CTNND2: variants seen among roughly 807,000 people sequenced by gnomAD.
CTNND2 encodes the protein catenin delta 2.
CTNND2 carries 22 observed loss-of-function variants against 144.4 expected under a neutral mutation model. The observed-to-expected ratio is 0.15, with a 90% CI of 0.11 to 0.22. CTNND2 has a LOEUF of 0.22. Among genes scored for constraint, CTNND2 ranks in the 10% least tolerant of loss-of-function variants. The pLI, the probability that CTNND2 is intolerant of heterozygous loss-of-function variation, is 1.00. For missense variants in CTNND2, 1,353 were observed against 1,618.8 expected (o/e 0.84, Z 2.82); for synonymous variants, 751 against 695.6 (o/e 1.08, Z -1.25).
chr5:11,149,266 C>A (rs539322475), intron 12 of CTNND2, among the ~76,000 whole-genome samples: 1 of 152,218 alleles, frequency 6.6e-6, no homozygotes, highest in East Asian at 1.9e-4. Context: ...CACGGTGACG[C>A]TTTCCTTTGG....
rs1411567714 is a variant in CTNND2, at chr5:11,512,071, A to ATC, written c.287+52871_287+52872dup. ...AGAAACACAGAAGGATCCTGGATTG[A>ATC]TCTCACCTCTCCCTCATTCCCCAAC... On this transcript the variant is annotated intron_variant, in intron 3 of 21. Transcript: ENST00000304623. 7.2e-5 allele frequency among the ~76,000 whole-genome samples: 11 copies of ATC among 152,104 alleles called. No individual in the cohort carries two copies. In the East Asian group the frequency reaches 1.7e-3, roughly 24 times the overall value.
At chr5:11,668,933 C>T (rs1001501495) in intron 2 of CTNND2, among the ~76,000 whole-genome samples, 10 of 152,098 alleles carry the variant, frequency 6.6e-5, no homozygotes, top group African/African-American at 1.7e-4. Flanking sequence ...TTTTGAGATA[C>T]GTTCCATCAA....
At chr5:11,365,165 C>CA (rs1756851912) in intron 7 of CTNND2, among the ~76,000 whole-genome samples, 1 of 152,192 alleles carries the variant, frequency 6.6e-6, no homozygotes, top group South Asian at 2.1e-4. Flanking sequence ...TTATTTTTCT[C>CA]AAAACCTAAT....
intron 6 of CTNND2, among the ~76,000 whole-genome samples, chr5:11,394,886 A>G (rs1759942023): frequency 6.6e-6 from 1 of 152,232 alleles, no homozygotes; most frequent in Non-Finnish European, 1.5e-5. Context: ...GCTTTACTTT[A>G]GAACTACATA....
chr5:11,123,230 G>C (rs12655358), intron 12 of CTNND2, among the ~76,000 whole-genome samples: 20,406 of 152,146 alleles, frequency 0.13, 2,223 homozygotes, highest in East Asian at 0.45. Context: ...TAGGAGGTAG[G>C]GGGGAGCATC....
intron 3 of CTNND2, among the ~76,000 whole-genome samples, chr5:11,539,309 G>A (rs988574530): frequency 2.0e-5 from 3 of 152,118 alleles, no homozygotes; most frequent in African/African-American, 7.2e-5. Context: ...ACTGAATTCT[G>A]GGTGGCAGGC....
chr5:11,195,216 T>C (rs1251395410), intron 11 of CTNND2, among the ~76,000 whole-genome samples: 1 of 152,134 alleles, frequency 6.6e-6, no homozygotes, highest in Non-Finnish European at 1.5e-5. Context: ...TTTAATAGTA[T>C]TAAGGTTAAA....
At chr5:11,461,057 A>G (rs1581245563) in intron 3 of CTNND2, among the ~76,000 whole-genome samples, 1 of 148,504 alleles carries the variant, frequency 6.7e-6, no homozygotes, top group South Asian at 2.1e-4. Flanking sequence ...AAAAAATTGC[A>G]CTCCTCCCTT....
chr5:11,474,721 T>A (rs780237844), intron 3 of CTNND2, among the ~76,000 whole-genome samples: 1 of 152,204 alleles, frequency 6.6e-6, no homozygotes, highest in Non-Finnish European at 1.5e-5. Context: ...TTGAAAACCA[T>A]GATAGCTGAA....
chr5:11,532,366 A>C (rs896979292), intron 3 of CTNND2, among the ~76,000 whole-genome samples: 1 of 134,140 alleles, frequency 7.5e-6, no homozygotes, highest in African/African-American at 2.9e-5. Context: ...TCCGTATCTT[A>C]GTCGGTTTCC....
chr5:11,761,003 G>C (rs1581839256), intron 1 of CTNND2, among the ~76,000 whole-genome samples: 1 of 152,006 alleles, frequency 6.6e-6, no homozygotes, highest in African/African-American at 2.4e-5. Flanking sequence ...TGTTTTGCCT[G>C]GAATCATTTA....
intron 18 of CTNND2, among the ~76,000 whole-genome samples, chr5:10,997,553 C>T (rs113635996): frequency 0.11 from 16,706 of 150,662 alleles, 1,068 homozygotes; most frequent in Non-Finnish European, 0.15. Context: ...GATCACACCA[C>T]TGCACTCCAG....
At chr5:11,876,012 T>G (rs1243221833) in intron 1 of CTNND2, among the ~76,000 whole-genome samples, 4 of 152,222 alleles carry the variant, frequency 2.6e-5, no homozygotes, top group African/African-American at 9.7e-5. Context: ...GTATAAATTC[T>G]CTAATTTTGT....
intron 1 of CTNND2, among the ~76,000 whole-genome samples, chr5:11,866,471 T>G (rs543659110): frequency 1.3e-5 from 2 of 152,310 alleles, no homozygotes; most frequent in Admixed American, 6.5e-5. Context: ...AAATCTCAGT[T>G]GCCCTATAAA....
At chr5:11,493,326 G>A (rs931669507) in intron 3 of CTNND2, among the ~76,000 whole-genome samples, 9 of 152,214 alleles carry the variant, frequency 5.9e-5, no homozygotes, top group African/African-American at 2.2e-4. Flanking sequence ...GGAAGGAACT[G>A]AGATTTCAGG....
intron 8 of CTNND2, among the ~76,000 whole-genome samples, chr5:11,357,793 G>A (rs1361720083): frequency 6.6e-6 from 1 of 151,990 alleles, no homozygotes; most frequent in African/African-American, 2.4e-5. Context: ...ACATCCAATT[G>A]TATCCCATGA....
intron 2 of CTNND2, among the ~76,000 whole-genome samples, chr5:11,659,671 A>C (rs1783086899): frequency 6.6e-6 from 1 of 152,126 alleles, no homozygotes; most frequent in Admixed American, 6.6e-5. Flanking sequence ...TGACACGTTA[A>C]GGCCAAATGC....
At chr5:11,377,822 T>G (rs1411407534) in intron 7 of CTNND2, among the ~76,000 whole-genome samples, 7 of 152,206 alleles carry the variant, frequency 4.6e-5, no homozygotes, top group Admixed American at 2.6e-4. Context: ...CAGTTTGACC[T>G]GGACATCAGT....
At chr5:11,175,373 A>C (rs1018965) in intron 11 of CTNND2, among the ~76,000 whole-genome samples, 132,386 of 152,104 alleles carry the variant, frequency 0.87, 58,074 homozygotes, top group South Asian at 0.94. Flanking sequence ...AATCACCCAG[A>C]GATAATGAGA....
Sources: gnomAD v4.1 joint callset for allele counts (sites outside exome capture counted in the v4.1 genomes callset) on GRCh38, gnomAD v4.1.1 for gene constraint, MANE v1.5 for transcripts, NCBI Gene and HGNC (gene_info 2026-07-23, HGNC 2026-07-21) for gene names.